BEGAIN: variants seen among roughly 807,000 people sequenced by gnomAD.
BEGAIN encodes brain enriched guanylate kinase associated.
In BEGAIN, 19 loss-of-function variants were observed where a neutral mutation model predicts 35.8. The ratio of observed to expected loss-of-function variants is 0.53; its 90% CI spans 0.37 to 0.78. The LOEUF (loss-of-function observed/expected upper bound fraction) is 0.78, where lower values mean the gene tolerates loss of function less well. BEGAIN is among the 30% of genes least tolerant of loss of function. The pLI is 0.00. For synonymous variants in BEGAIN, 462 were observed against 388.6 expected, an observed-to-expected ratio of 1.19 and a Z score of -2.22; for missense variants, 795 against 853.6, an observed-to-expected ratio of 0.93 and a Z score of 0.85.
At chr14:100,556,018 T>C (rs759450735) in intron 2 of BEGAIN, among the ~76,000 whole-genome samples, 1 of 152,114 alleles carries the variant, frequency 6.6e-6, no homozygotes, top group East Asian at 1.9e-4. Context: ...CCTATGTGTA[T>C]GTAGTGAGGG....
At position 100,568,655 on chromosome 14, in the gene BEGAIN, G is replaced by A. The variant is rs1176933063; in HGVS notation, c.43-716C>T. On this transcript the variant is annotated intron_variant, in intron 1 of 6. Coordinates refer to ENST00000554140, the MANE Select transcript of BEGAIN (RefSeq NM_001385089.1). This position sits in a 1 kb window ranked among gnomAD's most constrained non-coding sequence, Gnocchi z 7.5. ...CCTCCCTGCCCAGCCCCGCTCAGCC[G>A]GGCAGCCCCTCCGCGCGCCGGGCAG... 3 of 525,154 alleles carry A rather than the reference G, an allele frequency of 5.7e-6. No individual in the cohort carries two copies. Among genetic ancestry groups the A allele is most frequent in the African/African-American group, 4.2e-5 (2 of 48,184 alleles). 32.5% of individuals were successfully genotyped at this position (525,154 alleles called of 1,614,324 possible).
chr14:100,580,449 G>A (rs879765336), intron 1 of BEGAIN, among the ~76,000 whole-genome samples: 22 of 152,124 alleles, frequency 1.4e-4, no homozygotes, highest in Non-Finnish European at 2.9e-4. Flanking sequence ...CGTGCTCCCC[G>A]CTGCCAAGGA....
At position 100,546,567 on chromosome 14, in the gene BEGAIN, T is replaced by C. The variant is rs1444452556; in HGVS notation, c.167A>G (p.His56Arg). The C allele has an allele frequency of 2.5e-6, 4 of 1,588,562 alleles. No homozygotes were observed. Among genetic ancestry groups the C allele is most frequent in the Non-Finnish European group, 3.4e-6 (4 of 1,170,912 alleles). Residue 56 changes from histidine (H) to arginine (R), a missense_variant, in exon 3 of 7, where the codon CAC (histidine) becomes CGC (arginine). Coordinates refer to ENST00000554140, the MANE Select transcript of BEGAIN (RefSeq NM_001385089.1). The stretch of plus-strand genomic sequence containing the variant: ...GCGCCGCAGCTCGATCTCCAGGTAG[T>C]GGCGCGTGGAGTCGAACTCGGTCTC... Reference protein sequence around the residue: ...KLETEFDSTRHYLEIELRRAQ... With the variant: ...KLETEFDSTRRYLEIELRRAQ...
At chr14:100,556,861 C>T (rs796393256) in intron 2 of BEGAIN, among the ~76,000 whole-genome samples, 12 of 152,276 alleles carry the variant, frequency 7.9e-5, no homozygotes, top group African/African-American at 2.6e-4. Context: ...CAGAGCCGCC[C>T]GGGGCAGCAG....
chr14:100,539,265 G>T lies in BEGAIN; in HGVS notation c.543C>A (p.Gly181=), dbSNP rs1177072618. Residue 181 remains glycine (G), a synonymous_variant, in exon 7 of 7, where the codon GGC becomes GGA. Coordinates refer to ENST00000554140, the MANE Select transcript of BEGAIN (RefSeq NM_001385089.1). ...ERVSLHMEKH[G]CSLPSPLCHP... The stretch of plus-strand genomic sequence containing the variant: ...GGCAGAGCGGGGATGGCAGGCTGCA[G>T]CCGTGCTTCTCCATGTGCAGGCTCA... The T allele has an allele frequency of 6.3e-7, 1 of 1,586,616 alleles. No individual in the cohort carries two copies. The highest frequency in any genetic ancestry group is 8.6e-7 in the Non-Finnish European group (1 of 1,166,952).
Position 100,543,924 on chromosome 14 carries a change from C to T in BEGAIN, c.342G>A (p.Glu114=), listed in dbSNP as rs2032000195. The change falls in exon 5 of 7, where the codon GAG becomes GAA. Residue 114 remains glutamate, a synonymous_variant. Transcript: ENST00000554140. ...GCAGATGGCTGTTGAGGGCAACAAT[C>T]TCGTGGCTCAGCGCACGCTTCTCCT... ...YEEEKRALSH[E]IVALNSHLLE... 1 of 1,613,324 alleles carries T rather than the reference C, an allele frequency of 6.2e-7. No individual in the cohort carries two copies. The highest frequency in any genetic ancestry group is 2.2e-5 in the East Asian group (1 of 44,882).
At chr14:100,577,893 G>T (rs149131728) in intron 1 of BEGAIN, 1 of 399,188 alleles carries the variant, frequency 2.5e-6, no homozygotes. Flanking sequence ...AGCTGTAGCC[G>T]TCCTGCCTGG....
chr14:100,546,453 G>A (rs2032460280), intron 3 of BEGAIN, 48 bp downstream of exon 3: 2 of 328,264 alleles, frequency 6.1e-6, no homozygotes, highest in African/African-American at 4.0e-5. Flanking sequence ...CCCGGCCCTC[G>A]CCCCGCCCCG....
chr14:100,551,299 C>T (rs2033172479), intron 2 of BEGAIN, among the ~76,000 whole-genome samples: 1 of 152,150 alleles, frequency 6.6e-6, no homozygotes, highest in South Asian at 2.1e-4. Flanking sequence ...TTGGTTGTCC[C>T]CCTCCTGGGT....
intron 2 of BEGAIN, among the ~76,000 whole-genome samples, chr14:100,555,750 C>T (rs1454654346): frequency 2.0e-5 from 3 of 152,188 alleles, no homozygotes; most frequent in African/African-American, 4.8e-5. Flanking sequence ...CCTCTGCCTC[C>T]GTGTGGCTAG....
intron 5 of BEGAIN, among the ~76,000 whole-genome samples, chr14:100,543,621 C>A (rs1413156260): frequency 6.6e-6 from 1 of 152,196 alleles, no homozygotes; most frequent in South Asian, 2.1e-4. Context: ...TGTTTAAGGA[C>A]ACCCTTGGCG....
At chr14:100,571,590 A>G (rs928396669) in intron 1 of BEGAIN, among the ~76,000 whole-genome samples, 20 of 152,094 alleles carry the variant, frequency 1.3e-4, no homozygotes, top group African/African-American at 4.8e-4. Flanking sequence ...GGACCTTGCT[A>G]TCTTCCCTGT....
At position 100,538,027 on chromosome 14, in the gene BEGAIN, C is replaced by A; in HGVS notation, c.1781G>T (p.Gly594Val). The A allele has an allele frequency of 6.2e-7, 1 of 1,608,316 alleles. No individual in the cohort carries two copies. Among genetic ancestry groups the A allele is most frequent in the Non-Finnish European group, 8.5e-7 (1 of 1,178,456 alleles). ...GGTGAGGCTGTCCTTGCGGCTCAGC[C>A]CCGAGCCACCAGTCCGCGGAAAGGC... ...QQAFPRTGGS[G>V]LSRKDSLTKA... Residue 594 changes from glycine to valine, a missense_variant, in exon 7 of 7, where the codon GGG (glycine) becomes GTG (valine). By Grantham distance (109) the Gly-to-Val change is moderately radical (BLOSUM62 -3). This residue lies in a region of BEGAIN where 664 missense variants were observed against 647.7 expected (regional missense o/e 1.03). Transcript: ENST00000554140.
At position 100,568,306 on chromosome 14, in the gene BEGAIN, C is replaced by G; in HGVS notation, c.43-367G>C. Reference sequence around the variant, plus strand: ...CTCTCCGGCGGCCGCGGCCCCGCTGCTCCCCCCGCCCCGCCCGTTAACCCT... The same window carrying G: ...CTCTCCGGCGGCCGCGGCCCCGCTGGTCCCCCCGCCCCGCCCGTTAACCCT... On this transcript the variant is annotated intron_variant, in intron 1 of 6. Transcript: ENST00000554140. This position sits in a 1 kb window ranked among gnomAD's most constrained non-coding sequence, Gnocchi z 7.5. 1.3e-6 allele frequency: 1 copy of G among 766,256 alleles called. No homozygotes were observed. Among genetic ancestry groups the G allele is most frequent in the Non-Finnish European group, 1.9e-6 (1 of 538,686 alleles). The allele number at this position is 766,256 out of a possible 1,614,324, so 47.5% of individuals were successfully genotyped here. A position where few individuals can be genotyped will look rare whatever the true frequency, so the allele number is the denominator to read the frequency against.
chr14:100,545,298 C>A, intron 3 of BEGAIN: 1 of 1,363,996 alleles, frequency 7.3e-7, no homozygotes, highest in Non-Finnish European at 9.5e-7. Context: ...GTATTTCCCC[C>A]TCCACCCCGG....
Position 100,557,363 on chromosome 14 carries a change from C to T in BEGAIN, c.71+10548G>A, listed in dbSNP as rs1433136266. On this transcript the variant is annotated intron_variant, in intron 2 of 6. Coordinates refer to ENST00000554140, the MANE Select transcript of BEGAIN (RefSeq NM_001385089.1). Reference sequence around the variant, plus strand: ...AGCCATGCTTGCTGAGAGATGACCGCCATGGCGGCGGCTGCCCTGCTAGAG... The same window carrying T: ...AGCCATGCTTGCTGAGAGATGACCGTCATGGCGGCGGCTGCCCTGCTAGAG... Among the ~76,000 whole-genome samples the T allele has an allele frequency of 1.1e-4, 16 of 152,368 alleles. No homozygotes were observed. In the South Asian group the frequency reaches 3.3e-3, roughly 32 times the overall value.
intron 5 of BEGAIN, 127 bp downstream of exon 5, chr14:100,543,731 A>AGGCT: frequency 1.4e-6 from 1 of 722,256 alleles, no homozygotes; most frequent in Non-Finnish European, 2.4e-6. Flanking sequence ...CAGCCCCTTG[A>AGGCT]GGCTGGGGCC....
intron 2 of BEGAIN, among the ~76,000 whole-genome samples, chr14:100,555,065 C>T (rs750195011): frequency 9.9e-5 from 15 of 152,256 alleles, no homozygotes; most frequent in Middle Eastern, 3.2e-3. Context: ...CAAAGCTGCT[C>T]GGACCTCGCC....
At position 100,585,810 on chromosome 14, in the gene BEGAIN, G is replaced by C. The variant is rs139358628; in HGVS notation, c.42+1439C>G. Among the ~76,000 whole-genome samples the C allele has an allele frequency of 4.6e-5, 7 of 152,272 alleles. No individual in the cohort carries two copies. In the East Asian group the frequency reaches 1.2e-3, roughly 25 times the overall value. On this transcript the variant is annotated intron_variant, in intron 1 of 6. Transcript: ENST00000554140. ...GGTGCGAACAGCTCCAGGTTTTGACGACAAACGGAACGCGGAGCCTTGGAA... is the reference window on the plus strand; with the variant it reads ...GGTGCGAACAGCTCCAGGTTTTGACCACAAACGGAACGCGGAGCCTTGGAA...
Sources: gnomAD v4.1 joint callset for allele counts (sites outside exome capture counted in the v4.1 genomes callset) on GRCh38, gnomAD v4.1.1 for gene constraint, gnomAD v4.1.1 regional missense constraint, Gnocchi (gnomAD v3.1) non-coding constraint, MANE v1.5 for transcripts, NCBI Gene and HGNC (gene_info 2026-07-23, HGNC 2026-07-21) for gene names.